ANKS1A: variants seen among roughly 807,000 people sequenced by gnomAD.
ANKS1A encodes ankyrin repeat and SAM domain-containing protein 1A.
ANKS1A carries 55 observed loss-of-function variants against 120.3 expected under a neutral mutation model. That is an observed-to-expected ratio of 0.46 (90% confidence interval 0.37 to 0.57). The LOEUF (loss-of-function observed/expected upper bound fraction) is 0.57. Among genes scored for constraint, ANKS1A ranks in the 20% least tolerant of loss-of-function variants. The pLI, the probability that ANKS1A is intolerant of heterozygous loss-of-function variation, is 0.00. For missense variants in ANKS1A, 1,123 were observed against 1,480.3 expected (o/e 0.76, Z 3.96); for synonymous variants, 590 against 604.7 (o/e 0.98, Z 0.36).
chr6:34,953,946 A>G lies in ANKS1A; in HGVS notation c.198-13293A>G, dbSNP rs554598163. ...TACAGTTGTGCAACAGAAACAATCA[A>G]TGCTCAAGGGTTAAGAAGCCACTAA... On this transcript the variant is annotated intron_variant, in intron 1 of 23. Transcript: ENST00000360359. 3.9e-5 allele frequency among the ~76,000 whole-genome samples: 6 copies of G among 152,354 alleles called. 1 individual carries two copies. Among genetic ancestry groups the G allele is most frequent in the African/African-American group, 1.4e-4 (6 of 41,578 alleles).
chr6:35,077,101 C>T (rs1213800204), intron 13 of ANKS1A, among the ~76,000 whole-genome samples: 1 of 152,208 alleles, frequency 6.6e-6, no homozygotes, highest in Non-Finnish European at 1.5e-5. Context: ...GAGACTCTTT[C>T]CCTGCTGTGT....
Position 34,896,075 on chromosome 6 carries a change from C to CT in ANKS1A, c.197+6486dup, listed in dbSNP as rs975327797. Among the ~76,000 whole-genome samples the CT allele has an allele frequency of 1.5e-3, 199 of 131,830 alleles. 2 individuals are homozygous for CT. The South Asian group carries it at 0.026, about 17-fold the overall frequency. 86.5% of individuals were successfully genotyped at this position (131,830 alleles called of 152,430 possible). A position where few individuals can be genotyped will look rare whatever the true frequency, so the allele number is the denominator to read the frequency against. ...ACCGTGCCTGGCCTTTTTTTTTTTT[C>CT]TTTTTTTTTTCAGAGACAGTGTCTC... On this transcript the variant is annotated intron_variant, in intron 1 of 23. Transcript: ENST00000360359.
intron 1 of ANKS1A, among the ~76,000 whole-genome samples, chr6:34,955,889 T>A (rs1192064507): frequency 6.6e-6 from 1 of 152,224 alleles, no homozygotes; most frequent in African/African-American, 2.4e-5. Flanking sequence ...TAATTCTTTG[T>A]ATGCAAGCTG....
intron 1 of ANKS1A, among the ~76,000 whole-genome samples, chr6:34,947,366 C>T (rs1168061597): frequency 2.0e-5 from 3 of 151,934 alleles, no homozygotes; most frequent in African/African-American, 7.3e-5. Context: ...AGGCTGGTCT[C>T]GAACTCCTGA....
At chr6:35,071,958 G>C (rs1056804479) in intron 13 of ANKS1A, among the ~76,000 whole-genome samples, 2 of 152,332 alleles carry the variant, frequency 1.3e-5, no homozygotes, top group South Asian at 4.1e-4. Context: ...GGTAACTTAG[G>C]ACAGCTCCTA....
chr6:34,925,672 A>G (rs1768680680), intron 1 of ANKS1A, among the ~76,000 whole-genome samples: 1 of 152,174 alleles, frequency 6.6e-6, no homozygotes, highest in Non-Finnish European at 1.5e-5. Context: ...TTTTAGCCTG[A>G]TACTGGGTGC....
At chr6:34,919,086 A>G (rs1248755932) in intron 1 of ANKS1A, among the ~76,000 whole-genome samples, 1 of 152,186 alleles carries the variant, frequency 6.6e-6, no homozygotes, top group African/African-American at 2.4e-5. Context: ...TTCTGACCTC[A>G]GGTGATCCAC....
intron 11 of ANKS1A, among the ~76,000 whole-genome samples, chr6:35,051,258 G>C (rs924032024): frequency 6.6e-6 from 1 of 152,136 alleles, no homozygotes. Flanking sequence ...TTGACTAGTG[G>C]GTGACTCCTG....
At chr6:34,987,099 G>A (rs1195941438) in intron 8 of ANKS1A, among the ~76,000 whole-genome samples, 3 of 152,194 alleles carry the variant, frequency 2.0e-5, no homozygotes, top group African/African-American at 7.2e-5. Flanking sequence ...ACGGGTGGAT[G>A]CTTTGCCATT....
rs1431280741 is a variant in ANKS1A at position 35,043,227 on chromosome 6, G to A, written c.2011-10872G>A. On this transcript the variant is annotated intron_variant, in intron 11 of 23. Transcript: ENST00000360359. ...TGAATAGAAGCTGGAAATTTGACTT[G>A]CGTGAGGTAACCTGAGTTGACAATG... Among the ~76,000 whole-genome samples, 5 of 152,324 alleles carry A rather than the reference G, an allele frequency of 3.3e-5. No homozygotes were observed. The East Asian group carries it at 5.8e-4, about 18-fold the overall frequency.
chr6:34,987,034 TC>T (rs1329591929), intron 8 of ANKS1A, among the ~76,000 whole-genome samples: 2 of 152,200 alleles, frequency 1.3e-5, no homozygotes, highest in Non-Finnish European at 2.9e-5. Flanking sequence ...GTCTCTTTGT[TC>T]CCTCCTGCTC....
chr6:35,033,811 T>C (rs777491340), intron 11 of ANKS1A, among the ~76,000 whole-genome samples: 2 of 152,166 alleles, frequency 1.3e-5, no homozygotes, highest in African/African-American at 2.4e-5. Context: ...CGTCTCTCTG[T>C]GCTCTGGAAG....
chr6:35,051,884 G>A (rs976706984), intron 11 of ANKS1A, among the ~76,000 whole-genome samples: 3 of 152,364 alleles, frequency 2.0e-5, no homozygotes, highest in East Asian at 1.9e-4. Flanking sequence ...ACAACAGAGC[G>A]GAAGTGGAAA....
chr6:35,019,092 A>C (rs1774195723), intron 11 of ANKS1A, among the ~76,000 whole-genome samples: 2 of 152,160 alleles, frequency 1.3e-5, no homozygotes, highest in Non-Finnish European at 2.9e-5. Context: ...AGCCATTATT[A>C]GTTGGAAATA....
At chr6:35,023,065 A>T (rs558886688) in intron 11 of ANKS1A, among the ~76,000 whole-genome samples, 1 of 152,300 alleles carries the variant, frequency 6.6e-6, no homozygotes, top group African/African-American at 2.4e-5. Flanking sequence ...GTGCATTAAT[A>T]GGCCAAGGGG....
chr6:34,901,514 T>G (rs1013541777), intron 1 of ANKS1A, among the ~76,000 whole-genome samples: 3 of 152,228 alleles, frequency 2.0e-5, no homozygotes, highest in South Asian at 4.2e-4. Flanking sequence ...GGGTTTTTTT[T>G]GTTGTTTCTT....
intron 3 of ANKS1A, among the ~76,000 whole-genome samples, chr6:34,973,896 T>TCCCCTTCCCTTC (rs1170963711): frequency 2.0e-5 from 1 of 49,516 alleles, no homozygotes; most frequent in African/African-American, 8.7e-5. Flanking sequence ...CACTTCCCCT[T>TCCCCTTCCCTTC]CCCTTCCCCT....
At chr6:35,074,513 C>T (rs1020589101) in intron 13 of ANKS1A, among the ~76,000 whole-genome samples, 1 of 152,060 alleles carries the variant, frequency 6.6e-6, no homozygotes, top group Non-Finnish European at 1.5e-5. Flanking sequence ...AGGAGGATCA[C>T]TCGAGCCCAG....
At position 35,056,567 on chromosome 6, in the gene ANKS1A, C is replaced by T. The variant is rs192143778; in HGVS notation, c.2077+2402C>T. Among the ~76,000 whole-genome samples, 55 of 152,314 alleles carry T rather than the reference C, an allele frequency of 3.6e-4. 1 individual carries two copies. Among genetic ancestry groups the T allele is most frequent in the Admixed American group, 2.2e-3 (34 of 15,302 alleles). ...CCTCCCAAAGTGCTGGGATTACAGGCGTGAGCCACGATGCCTGGCCCCACC... is the reference window on the plus strand; with the variant it reads ...CCTCCCAAAGTGCTGGGATTACAGGTGTGAGCCACGATGCCTGGCCCCACC... On this transcript the variant is annotated intron_variant, in intron 12 of 23. Transcript: ENST00000360359.
Sources: gnomAD v4.1 joint callset for allele counts (sites outside exome capture counted in the v4.1 genomes callset) on GRCh38, gnomAD v4.1.1 for gene constraint, MANE v1.5 for transcripts, NCBI Gene and HGNC (gene_info 2026-07-23, HGNC 2026-07-21) for gene names.